Variants in DPF3 observed in about 807,000 individuals in gnomAD.
DPF3 encodes double PHD fingers 3.
Under a neutral mutation model 56.8 loss-of-function variants are expected in DPF3, and 18 were observed. The observed-to-expected ratio is 0.32, with a 90% confidence interval of 0.22 to 0.47. The LOEUF (loss-of-function observed/expected upper bound fraction) is 0.47. DPF3 is among the 20% of genes least tolerant of loss of function. The probability of loss-of-function intolerance (pLI) is 1.00; values close to 1 mark genes in which losing one functional copy is unlikely to be tolerated. For synonymous variants in DPF3, 188 were observed against 180.2 expected (o/e 1.04, Z -0.35); for missense variants, 403 against 488.8 (o/e 0.82, Z 1.65).
intron 6 of DPF3, among the ~76,000 whole-genome samples, chr14:72,699,911 T>A (rs1888085050): frequency 6.6e-6 from 1 of 151,906 alleles, no homozygotes; most frequent in South Asian, 2.1e-4. Context: ...CTCCAAGAAA[T>A]GAGGAAGTGC....
intron 1 of DPF3, among the ~76,000 whole-genome samples, chr14:72,792,756 C>T (rs1009425767): frequency 5.3e-5 from 8 of 152,068 alleles, no homozygotes; most frequent in Non-Finnish European, 1.2e-4. Context: ...TAGCAGAGGC[C>T]ACTTCCAATG....
chr14:72,748,971 G>A (rs187679255), intron 3 of DPF3, among the ~76,000 whole-genome samples: 20 of 152,338 alleles, frequency 1.3e-4, no homozygotes, highest in Admixed American at 3.3e-4. Flanking sequence ...GGGAAATGTC[G>A]GGTGGGAGCC....
chr14:72,664,627 T>A (rs1207319128), intron 8 of DPF3, among the ~76,000 whole-genome samples: 12 of 117,180 alleles, frequency 1.0e-4, no homozygotes, highest in Non-Finnish European at 7.0e-5. Context: ...CCTCACCACC[T>A]CCCACCTGCC....
chr14:72,886,448 A>G (rs1214304662), intron 1 of DPF3, among the ~76,000 whole-genome samples: 1 of 152,208 alleles, frequency 6.6e-6, no homozygotes, highest in Non-Finnish European at 1.5e-5. Context: ...CCTTGGGGCC[A>G]TGATTTCAAG....
chr14:72,637,232 A>G (rs777051853), intron 8 of DPF3, among the ~76,000 whole-genome samples: 1 of 150,312 alleles, frequency 6.7e-6, no homozygotes, highest in Non-Finnish European at 1.5e-5. Context: ...TGGAGTCTCT[A>G]GGAAGTGGAT....
At chr14:72,747,130 C>A (rs867659298) in intron 3 of DPF3, among the ~76,000 whole-genome samples, 1 of 152,240 alleles carries the variant, frequency 6.6e-6, no homozygotes, top group African/African-American at 2.4e-5. Context: ...GCTCTGTCCA[C>A]AGTCTGATTT....
intron 8 of DPF3, among the ~76,000 whole-genome samples, chr14:72,666,717 A>G (rs1322277218): frequency 6.6e-6 from 1 of 152,170 alleles, no homozygotes; most frequent in Admixed American, 6.5e-5. Flanking sequence ...ACAAATTCAC[A>G]CAGGGAGCTG....
chr14:72,768,943 G>C (rs1230724015), intron 2 of DPF3, among the ~76,000 whole-genome samples: 15 of 147,660 alleles, frequency 1.0e-4, no homozygotes, highest in East Asian at 7.9e-4. Context: ...CTGTGTGTGT[G>C]TGTGTGTGTG....
At chr14:72,767,676 T>C (rs1891342343) in intron 2 of DPF3, among the ~76,000 whole-genome samples, 1 of 149,344 alleles carries the variant, frequency 6.7e-6, no homozygotes, top group African/African-American at 2.5e-5. Flanking sequence ...ATTTGTGTTG[T>C]TGAAGTCCGA....
At chr14:72,857,995 G>A (rs886245513) in intron 1 of DPF3, among the ~76,000 whole-genome samples, 29 of 151,654 alleles carry the variant, frequency 1.9e-4, no homozygotes, top group Non-Finnish European at 5.9e-5. Context: ...CATAGAAAAC[G>A]TTCAGAGCAA....
intron 1 of DPF3, among the ~76,000 whole-genome samples, chr14:72,798,343 T>C (rs1460711278): frequency 1.3e-5 from 2 of 150,106 alleles, no homozygotes; most frequent in Non-Finnish European, 1.5e-5. Context: ...GTTTTTATAA[T>C]ATATCCTCTT....
Position 72,847,474 on chromosome 14 carries a change from C to G in DPF3, c.32+46583G>C, listed in dbSNP as rs1884804631. 2.0e-5 allele frequency among the ~76,000 whole-genome samples: 3 copies of G among 152,266 alleles called. No individual in the cohort carries two copies. The South Asian group carries it at 6.2e-4, about 32-fold the overall frequency. ...CTGAAGCATAATCAGCCATAATCTG[C>G]TAACCGTGCCTCAGTTTTCATTCTC... is the stretch of plus-strand genomic sequence containing the variant. On this transcript the variant is annotated intron_variant, in intron 1 of 10. Coordinates refer to ENST00000556509, the MANE Select transcript of DPF3 (RefSeq NM_001280542.3).
At chr14:72,721,291 A>G (rs1480883333) in intron 5 of DPF3, among the ~76,000 whole-genome samples, 1 of 152,244 alleles carries the variant, frequency 6.6e-6, no homozygotes, top group Non-Finnish European at 1.5e-5. Flanking sequence ...CCCAATTCAT[A>G]TCCACTGACT....
intron 1 of DPF3, among the ~76,000 whole-genome samples, chr14:72,864,652 G>A (rs1031927342): frequency 3.3e-5 from 5 of 152,112 alleles, no homozygotes; most frequent in African/African-American, 7.2e-5. Flanking sequence ...TGCTGCCCAG[G>A]TTGGCACTCA....
intron 2 of DPF3, among the ~76,000 whole-genome samples, chr14:72,756,189 C>T (rs927573986): frequency 6.6e-6 from 1 of 152,210 alleles, no homozygotes; most frequent in Non-Finnish European, 1.5e-5. Flanking sequence ...TGCCACCCCT[C>T]ACTTCACATA....
intron 3 of DPF3, among the ~76,000 whole-genome samples, chr14:72,751,765 C>CT: frequency 6.6e-6 from 1 of 151,836 alleles, no homozygotes. Context: ...TTTCTTTTTC[C>CT]TTTTTTTAAT....
chr14:72,757,348 A>G (rs962265372), intron 2 of DPF3, among the ~76,000 whole-genome samples: 19 of 152,094 alleles, frequency 1.2e-4, no homozygotes, highest in African/African-American at 4.1e-4. Context: ...CTGTCGGCCA[A>G]CTCTTACTGT....
At chr14:72,824,706 G>C (rs1883712712) in intron 1 of DPF3, among the ~76,000 whole-genome samples, 1 of 151,556 alleles carries the variant, frequency 6.6e-6, no homozygotes, top group Non-Finnish European at 1.5e-5. Flanking sequence ...CAAGTGGCTG[G>C]GATTACAGGC....
intron 6 of DPF3, among the ~76,000 whole-genome samples, chr14:72,702,412 TG>T (rs1430910574): frequency 6.6e-6 from 1 of 152,068 alleles, no homozygotes; most frequent in Non-Finnish European, 1.5e-5. Flanking sequence ...TCCTTGGAGC[TG>T]GGGATAGGGA....
Sources: gnomAD v4.1 joint callset for allele counts (sites outside exome capture counted in the v4.1 genomes callset) on GRCh38, gnomAD v4.1.1 for gene constraint, MANE v1.5 for transcripts, NCBI Gene and HGNC (gene_info 2026-07-23, HGNC 2026-07-21) for gene names.